Variants in RBFOX1 observed in about 807,000 individuals in gnomAD.
The protein encoded by RBFOX1 is RNA binding fox-1 homolog 1.
In RBFOX1, 8 loss-of-function variants were observed where a neutral mutation model predicts 57.7. The observed-to-expected ratio is 0.14, with a 90% confidence interval of 0.08 to 0.25. The LOEUF is 0.25. Ranked by LOEUF, RBFOX1 falls within the 10% of genes least tolerant of loss-of-function variation. RBFOX1 has a pLI of 1.00. For synonymous variants in RBFOX1, 326 were observed against 222.4 expected (o/e 1.47, Z -4.15); for missense variants, 611 against 548.5 (o/e 1.11, Z -1.14).
intron 3 of RBFOX1, among the ~76,000 whole-genome samples, chr16:5,777,419 T>C (rs912951143): frequency 6.6e-6 from 1 of 152,204 alleles, no homozygotes; most frequent in Non-Finnish European, 1.5e-5. Context: ...AAGTCTCTTT[T>C]GCTATAGAAG....
chr16:5,534,284 G>T (rs2044605516), intron 2 of RBFOX1, among the ~76,000 whole-genome samples: 1 of 152,126 alleles, frequency 6.6e-6, no homozygotes, highest in Non-Finnish European at 1.5e-5. Flanking sequence ...GAACTAACAG[G>T]ATATATGTAT....
intron 3 of RBFOX1, among the ~76,000 whole-genome samples, chr16:5,629,067 C>T (rs1470781418): frequency 1.3e-5 from 2 of 151,928 alleles, no homozygotes; most frequent in African/African-American, 4.8e-5. Flanking sequence ...ACCAGAGCAG[C>T]AGTAAGCAAT....
chr16:6,836,023 T>C (rs2093070105), intron 3 of RBFOX1, among the ~76,000 whole-genome samples: 1 of 152,194 alleles, frequency 6.6e-6, no homozygotes, highest in Non-Finnish European at 1.5e-5. Flanking sequence ...ATACAGTCTC[T>C]GTCCTTGGAG....
At chr16:6,127,925 G>A (rs1279263257) in intron 1 of RBFOX1, among the ~76,000 whole-genome samples, 4 of 152,110 alleles carry the variant, frequency 2.6e-5, no homozygotes, top group Admixed American at 6.6e-5. Context: ...AGGGAAGCGT[G>A]CATTGATTAA....
At chr16:6,191,425 T>G (rs779722676) in intron 1 of RBFOX1, among the ~76,000 whole-genome samples, 18 of 152,060 alleles carry the variant, frequency 1.2e-4, no homozygotes, top group Non-Finnish European at 1.9e-4. Context: ...TCTTGAGAAT[T>G]TAGGGGGTGG....
chr16:6,838,662 T>C (rs533148284), intron 3 of RBFOX1, among the ~76,000 whole-genome samples: 4 of 152,284 alleles, frequency 2.6e-5, no homozygotes, highest in African/African-American at 7.2e-5. Context: ...TAGAATTCTT[T>C]ATTGGGCAAA....
At position 5,614,127 on chromosome 16, in the gene RBFOX1, G is replaced by A. The variant is rs538660791; in HGVS notation, c.318+15166G>A. On this transcript the variant is annotated intron_variant, in intron 3 of 19. Coordinates refer to the RBFOX1 transcript ENST00000641259. ...CCCACCTGGTCTCAATTCTGTCTTAGACTCCCTCTAGGTTGGGAGGTGCGG... is the reference window on the plus strand; with the variant it reads ...CCCACCTGGTCTCAATTCTGTCTTAAACTCCCTCTAGGTTGGGAGGTGCGG... Among the ~76,000 whole-genome samples the A allele has an allele frequency of 1.3e-4, 20 of 152,210 alleles. No individual in the cohort carries two copies. In the South Asian group the frequency reaches 2.1e-3, roughly 16 times the overall value.
intron 3 of RBFOX1, among the ~76,000 whole-genome samples, chr16:6,945,238 C>A (rs986454083): frequency 3.9e-5 from 6 of 152,112 alleles, no homozygotes; most frequent in African/African-American, 1.4e-4. Flanking sequence ...ACTTAATCTT[C>A]ACGTGTCCTT....
chr16:7,029,225 C>CAT (rs1421374012), intron 3 of RBFOX1, among the ~76,000 whole-genome samples: 5 of 45,432 alleles, frequency 1.1e-4, no homozygotes, highest in African/African-American at 4.7e-4. Flanking sequence ...TATATACACA[C>CAT]ATATATATAC....
intron 13 of RBFOX1, chr16:7,671,567 C>G: frequency 6.2e-7 from 1 of 1,610,768 alleles, no homozygotes. Flanking sequence ...AGTAGTGTAT[C>G]AAGAGCCTGT....
At chr16:5,672,748 T>C (rs1456906787) in intron 3 of RBFOX1, among the ~76,000 whole-genome samples, 2 of 152,148 alleles carry the variant, frequency 1.3e-5, no homozygotes, top group African/African-American at 2.4e-5. Context: ...TTGGTTTGCC[T>C]GTAATTTGTG....
intron 3 of RBFOX1, among the ~76,000 whole-genome samples, chr16:6,763,915 G>C (rs904738208): frequency 6.6e-6 from 1 of 152,208 alleles, no homozygotes; most frequent in Non-Finnish European, 1.5e-5. Flanking sequence ...CTTAGCGTTT[G>C]TATATGTCCT....
chr16:5,568,970 A>T (rs542432479), intron 2 of RBFOX1, among the ~76,000 whole-genome samples: 40 of 151,052 alleles, frequency 2.6e-4, no homozygotes, highest in African/African-American at 9.5e-4. Flanking sequence ...CCTCCTGAGT[A>T]GCTGATATTA....
At chr16:5,572,742 T>G (rs2046323863) in intron 2 of RBFOX1, among the ~76,000 whole-genome samples, 1 of 152,130 alleles carries the variant, frequency 6.6e-6, no homozygotes, top group Non-Finnish European at 1.5e-5. Context: ...AGAGATAATA[T>G]TTGAGCCAAG....
intron 3 of RBFOX1, among the ~76,000 whole-genome samples, chr16:6,853,382 C>T (rs776329871): frequency 3.9e-5 from 6 of 152,070 alleles, no homozygotes; most frequent in African/African-American, 7.2e-5. Flanking sequence ...GGCTGCATAA[C>T]GTTGAATTTT....
intron 1 of RBFOX1, among the ~76,000 whole-genome samples, chr16:6,287,827 T>C (rs1353043226): frequency 6.6e-6 from 1 of 152,188 alleles, no homozygotes; most frequent in Non-Finnish European, 1.5e-5. Flanking sequence ...TATTATGCTA[T>C]TGTTTCTAAT....
intron 1 of RBFOX1, among the ~76,000 whole-genome samples, chr16:5,419,328 T>C (rs929746909): frequency 9.9e-5 from 15 of 151,702 alleles, no homozygotes; most frequent in East Asian, 1.9e-4. Flanking sequence ...GAACTTGGAG[T>C]CTGATGTTCA....
chr16:5,476,290 A>C (rs948127738), intron 2 of RBFOX1, among the ~76,000 whole-genome samples: 1 of 152,220 alleles, frequency 6.6e-6, no homozygotes, highest in African/African-American at 2.4e-5. Flanking sequence ...TGTCAATTAA[A>C]AAAATAATAA....
intron 4 of RBFOX1, among the ~76,000 whole-genome samples, chr16:7,490,770 C>A (rs2066724686): frequency 2.0e-5 from 3 of 152,084 alleles, no homozygotes; most frequent in South Asian, 4.1e-4. Flanking sequence ...CTTGGTGAAA[C>A]AAGCTTTCCC....
Sources: allele counts gnomAD v4.1 joint callset (sites outside exome capture counted in the v4.1 genomes callset), GRCh38; gene constraint gnomAD v4.1.1; transcripts MANE v1.5; gene names NCBI Gene and HGNC (gene_info 2026-07-23, HGNC 2026-07-21).